AUTS2: variants seen among roughly 807,000 people sequenced by gnomAD.
AUTS2 encodes autism susceptibility gene 2 protein.
Under a neutral mutation model 112.4 loss-of-function variants are expected in AUTS2, and 17 were observed. That is an observed-to-expected ratio of 0.15 (90% CI 0.10 to 0.23). The LOEUF (loss-of-function observed/expected upper bound fraction) is 0.23, where lower values mean the gene tolerates loss of function less well. Among genes scored for constraint, AUTS2 ranks in the 10% least tolerant of loss-of-function variants. AUTS2 has a pLI of 1.00. For missense variants in AUTS2, 1,510 were observed against 1,701.6 expected (o/e 0.89, Z 1.98); for synonymous variants, 751 against 702.7 (o/e 1.07, Z -1.09).
intron 4 of AUTS2, among the ~76,000 whole-genome samples, chr7:70,264,928 G>A (rs760195188): frequency 2.0e-5 from 3 of 152,172 alleles, no homozygotes; most frequent in Non-Finnish European, 4.4e-5. Flanking sequence ...GTACTTCTAA[G>A]AAGCAGCAAT....
chr7:70,338,876 ATTTT>A (rs1252404798), intron 4 of AUTS2, among the ~76,000 whole-genome samples: 1 of 147,054 alleles, frequency 6.8e-6, no homozygotes, highest in Non-Finnish European at 1.5e-5. Context: ...TTATTTATTT[ATTTT>A]GAGACAGAGT....
chr7:70,576,460 G>A (rs1802169329), intron 5 of AUTS2, among the ~76,000 whole-genome samples: 1 of 152,138 alleles, frequency 6.6e-6, no homozygotes, highest in Non-Finnish European at 1.5e-5. Flanking sequence ...GCATTTTGGG[G>A]TTGATGTTGT....
chr7:70,561,639 TA>T (rs896242377), intron 5 of AUTS2, among the ~76,000 whole-genome samples: 1 of 152,084 alleles, frequency 6.6e-6, no homozygotes, highest in Non-Finnish European at 1.5e-5. Flanking sequence ...AGATGTGTAT[TA>T]GGCTGACTCC....
rs559610290 is a variant in AUTS2, at chr7:70,173,148, G to A, written c.660+38577G>A. Among the ~76,000 whole-genome samples, 12 of 152,250 alleles carry A rather than the reference G, an allele frequency of 7.9e-5. No homozygotes were observed. In the East Asian group the frequency reaches 2.3e-3, roughly 29 times the overall value. On this transcript the variant is annotated intron_variant, in intron 4 of 18. Coordinates refer to ENST00000342771, the MANE Select transcript of AUTS2 (RefSeq NM_015570.4). ...AATCCCAGTACTTTGGGAGGCCGAG[G>A]TAGGTGGATCACGAGGTCAGGAGAT... is the stretch of plus-strand genomic sequence containing the variant.
intron 1 of AUTS2, among the ~76,000 whole-genome samples, chr7:69,865,580 G>T (rs1180534941): frequency 6.6e-6 from 1 of 152,064 alleles, no homozygotes; most frequent in Non-Finnish European, 1.5e-5. Context: ...TTGGTTAAGG[G>T]TTAATAGTTC....
intron 4 of AUTS2, among the ~76,000 whole-genome samples, chr7:70,147,167 T>C (rs192779903): frequency 6.6e-6 from 1 of 151,686 alleles, no homozygotes; most frequent in East Asian, 1.9e-4. Flanking sequence ...TGTTGGAGTG[T>C]GCTATAATCA....
At chr7:70,166,364 G>A (rs575398820) in intron 4 of AUTS2, among the ~76,000 whole-genome samples, 79 of 152,114 alleles carry the variant, frequency 5.2e-4, no homozygotes, top group African/African-American at 1.5e-3. Flanking sequence ...TTTACTATCT[G>A]GTGCTGGTTT....
intron 5 of AUTS2, among the ~76,000 whole-genome samples, chr7:70,697,560 T>TTCCCCC (rs1554464392): frequency 2.3e-5 from 3 of 127,718 alleles, no homozygotes; most frequent in Admixed American, 8.4e-5. Flanking sequence ...ACTTCAGAAT[T>TTCCCCC]CCCCCCCCCC....
chr7:70,652,369 C>A (rs1343923629), intron 5 of AUTS2, among the ~76,000 whole-genome samples: 1 of 151,802 alleles, frequency 6.6e-6, no homozygotes, highest in African/African-American at 2.4e-5. Flanking sequence ...TAGGGTTAGA[C>A]AATTTATGCC....
chr7:70,002,286 G>A (rs1799234203), intron 2 of AUTS2, among the ~76,000 whole-genome samples: 1 of 152,088 alleles, frequency 6.6e-6, no homozygotes, highest in Non-Finnish European at 1.5e-5. Flanking sequence ...TTGTGAACAA[G>A]TAGAAAAATA....
chr7:69,648,454 TAA>T (rs202026205), intron 1 of AUTS2, among the ~76,000 whole-genome samples: 3 of 141,452 alleles, frequency 2.1e-5, no homozygotes, highest in Non-Finnish European at 4.6e-5. Context: ...TCAGTAACTT[TAA>T]AAAAAAAAAA....
chr7:70,323,599 C>T (rs902555308), intron 4 of AUTS2, among the ~76,000 whole-genome samples: 5 of 152,166 alleles, frequency 3.3e-5, no homozygotes, highest in Non-Finnish European at 7.4e-5. Context: ...ATAATCACTT[C>T]TGTTGTTTGG....
chr7:69,651,718 G>A (rs1795295877), intron 1 of AUTS2, among the ~76,000 whole-genome samples: 1 of 152,174 alleles, frequency 6.6e-6, no homozygotes, highest in African/African-American at 2.4e-5. Flanking sequence ...CTATTCTGTG[G>A]ATTTTGAGTA....
chr7:70,672,664 G>A (rs771729925), intron 5 of AUTS2, among the ~76,000 whole-genome samples: 7 of 151,836 alleles, frequency 4.6e-5, no homozygotes, highest in Admixed American at 6.6e-5. Flanking sequence ...GTGTAATGGC[G>A]CAATCTCAGC....
chr7:70,382,019 G>A (rs1229778269), intron 4 of AUTS2, among the ~76,000 whole-genome samples: 1 of 152,146 alleles, frequency 6.6e-6, no homozygotes, highest in Non-Finnish European at 1.5e-5. Flanking sequence ...TAATGTCTGT[G>A]TACCTGGAAG....
chr7:70,226,360 A>ATTTTTTTTTTTT (rs34184657), intron 4 of AUTS2, among the ~76,000 whole-genome samples: 1 of 136,412 alleles, frequency 7.3e-6, no homozygotes. Flanking sequence ...TGCCCGGCTA[A>ATTTTTTTTTTTT]TTTTTTTTTT....
chr7:70,762,366 G>A (rs913805498), intron 6 of AUTS2, among the ~76,000 whole-genome samples: 1 of 151,974 alleles, frequency 6.6e-6, no homozygotes, highest in African/African-American at 2.4e-5. Context: ...TGAACTCCTG[G>A]GCTCAAGCGA....
At chr7:70,398,307 G>T (rs1300541510) in intron 4 of AUTS2, among the ~76,000 whole-genome samples, 2 of 152,150 alleles carry the variant, frequency 1.3e-5, no homozygotes, top group Non-Finnish European at 2.9e-5. Context: ...GAATCAGCTT[G>T]TCAACTTGTA....
At chr7:69,834,774 G>A (rs765027354) in intron 1 of AUTS2, among the ~76,000 whole-genome samples, 1 of 152,214 alleles carries the variant, frequency 6.6e-6, no homozygotes, top group Non-Finnish European at 1.5e-5. Flanking sequence ...AAGGAGCCAG[G>A]AAGCAGCAGA....
Sources: gnomAD v4.1 joint callset for allele counts (sites outside exome capture counted in the v4.1 genomes callset) on GRCh38, gnomAD v4.1.1 for gene constraint, MANE v1.5 for transcripts, NCBI Gene and HGNC (gene_info 2026-07-23, HGNC 2026-07-21) for gene names.